Variants in RANBP2 observed in about 807,000 individuals in gnomAD.
RANBP2 encodes the protein E3 SUMO-protein ligase RanBP2.
In RANBP2, 57 loss-of-function variants were observed where a neutral mutation model predicts 303.6. That is an observed-to-expected ratio of 0.19 (90% CI 0.15 to 0.23). The LOEUF (loss-of-function observed/expected upper bound fraction) is 0.23. Ranked by LOEUF, RANBP2 falls within the 10% of genes least tolerant of loss-of-function variation. The probability of loss-of-function intolerance (pLI) is 1.00; values close to 1 mark genes in which losing one functional copy is unlikely to be tolerated. For synonymous variants in RANBP2, 1,167 were observed against 1,301.5 expected, an observed-to-expected ratio of 0.90 and a Z score of 2.23; for missense variants, 3,138 against 3,780.8, an observed-to-expected ratio of 0.83 and a Z score of 4.46.
At chr2:109,406,524 A>G in the RANBP2 span, among the ~76,000 whole-genome samples, 1 of 152,150 alleles carries the variant, frequency 6.6e-6, no homozygotes, top group Non-Finnish European at 1.5e-5. Flanking sequence ...GCTTGGCTCT[A>G]CCATCCTCAC....
chr2:109,105,302 A>AT, the RANBP2 span, among the ~76,000 whole-genome samples: 1,839 of 152,336 alleles, frequency 0.012, 18 homozygotes, highest in Middle Eastern at 0.017. Context: ...AGTGCCTCAA[A>AT]TGAGCATGCA....
At chr2:109,409,168 A>G in the RANBP2 span, among the ~76,000 whole-genome samples, 1 of 152,168 alleles carries the variant, frequency 6.6e-6, no homozygotes, top group Admixed American at 6.5e-5. Flanking sequence ...ATATTGTGGG[A>G]ATTCCTTGTT....
the RANBP2 span, among the ~76,000 whole-genome samples, chr2:109,334,142 T>C: frequency 1.3e-5 from 2 of 152,136 alleles, no homozygotes. Flanking sequence ...GAGGACTGTT[T>C]GAGCCCACAA....
the RANBP2 span, among the ~76,000 whole-genome samples, chr2:108,874,920 G>T: frequency 1.3e-5 from 1 of 75,798 alleles, no homozygotes; most frequent in East Asian, 9.2e-4. Context: ...TTAATTCATG[G>T]GATTTTTTTT....
downstream of RANBP2, among the ~76,000 whole-genome samples, chr2:108,789,817 A>G (rs1280855787): frequency 6.6e-6 from 1 of 152,220 alleles, no homozygotes; most frequent in East Asian, 1.9e-4. Flanking sequence ...CTATGGGGAA[A>G]AAATATAAAA....
the RANBP2 span, among the ~76,000 whole-genome samples, chr2:109,738,093 C>T: frequency 1.3e-5 from 2 of 150,318 alleles, no homozygotes; most frequent in Non-Finnish European, 3.0e-5. Context: ...TGATATAATC[C>T]CATTTGTCTA....
chr2:108,835,710 T>A, the RANBP2 span, among the ~76,000 whole-genome samples: 2 of 152,230 alleles, frequency 1.3e-5, no homozygotes, highest in Non-Finnish European at 2.9e-5. Context: ...ATTAGTATAT[T>A]CACATTGTCC....
chr2:109,449,472 G>A, the RANBP2 span: 35 of 1,613,840 alleles, frequency 2.2e-5, no homozygotes, highest in Middle Eastern at 1.6e-4. Flanking sequence ...CAAACTAGAC[G>A]AGAAGAAAAG....
At chr2:109,046,176 C>T in the RANBP2 span, among the ~76,000 whole-genome samples, 10 of 150,734 alleles carry the variant, frequency 6.6e-5, no homozygotes, top group African/African-American at 1.2e-4. Flanking sequence ...TGGTGGCGGG[C>T]GCCTGTAGTC....
chr2:109,608,963 T>C, the RANBP2 span, among the ~76,000 whole-genome samples: 3 of 152,358 alleles, frequency 2.0e-5, no homozygotes, highest in South Asian at 6.2e-4. Context: ...CCTGTATGTA[T>C]TCTTGAAGAG....
chr2:108,777,739 A>G (rs1035433837), intron 25 of RANBP2, among the ~76,000 whole-genome samples: 13 of 152,180 alleles, frequency 8.5e-5, no homozygotes, highest in African/African-American at 3.1e-4. Flanking sequence ...CTAGAAAAGA[A>G]TCCATTTCCC....
At chr2:109,030,862 A>AC in the RANBP2 span, among the ~76,000 whole-genome samples, 1 of 152,310 alleles carries the variant, frequency 6.6e-6, no homozygotes, top group African/African-American at 2.4e-5. Context: ...AGCTGGGACC[A>AC]CAGGTGCACC....
At chr2:108,891,012 T>A in the RANBP2 span, among the ~76,000 whole-genome samples, 1 of 152,182 alleles carries the variant, frequency 6.6e-6, no homozygotes, top group Non-Finnish European at 1.5e-5. Context: ...AATTTCTGTT[T>A]GGTTCTTTAA....
the RANBP2 span, among the ~76,000 whole-genome samples, chr2:109,005,182 T>C: frequency 6.6e-6 from 1 of 152,230 alleles, no homozygotes; most frequent in Non-Finnish European, 1.5e-5. Flanking sequence ...AAACAGACTA[T>C]TAACATGGGC....
chr2:109,427,375 T>C, the RANBP2 span, among the ~76,000 whole-genome samples: 12 of 152,238 alleles, frequency 7.9e-5, no homozygotes, highest in Non-Finnish European at 1.3e-4. Context: ...CATATATTGG[T>C]AAACCAAAAA....
At chr2:108,821,734 C>T in the RANBP2 span, among the ~76,000 whole-genome samples, 1 of 151,920 alleles carries the variant, frequency 6.6e-6, no homozygotes, top group Admixed American at 6.6e-5. Context: ...TATCTGAGGT[C>T]AGAAGTTCAA....
chr2:109,089,492 G>C, the RANBP2 span, among the ~76,000 whole-genome samples: 1 of 152,122 alleles, frequency 6.6e-6, no homozygotes, highest in Non-Finnish European at 1.5e-5. Flanking sequence ...TGTGGTCTCA[G>C]CTACTTGGGA....
chr2:109,584,486 A>T, the RANBP2 span, among the ~76,000 whole-genome samples: 1 of 151,646 alleles, frequency 6.6e-6, no homozygotes, highest in Non-Finnish European at 1.5e-5. Flanking sequence ...AAAAAAAAAA[A>T]AAAAAAAAAA....
the RANBP2 span, among the ~76,000 whole-genome samples, chr2:109,659,238 G>A: frequency 6.6e-6 from 1 of 151,938 alleles, no homozygotes; most frequent in Non-Finnish European, 1.5e-5. Flanking sequence ...CTAGCTGGGC[G>A]TGGTGGTGTG....
Sources: allele counts gnomAD v4.1 joint callset (sites outside exome capture counted in the v4.1 genomes callset), GRCh38; gene constraint gnomAD v4.1.1; transcripts MANE v1.5; gene names NCBI Gene and HGNC (gene_info 2026-07-23, HGNC 2026-07-21).